Variants in TMEM26 observed in about 807,000 individuals in gnomAD.
The protein encoded by TMEM26 is transmembrane protein 26.
TMEM26 carries 38 observed loss-of-function variants against 28.8 expected under a neutral mutation model. The ratio of observed to expected loss-of-function variants is 1.32; its 90% CI spans 1.02 to 1.73. The LOEUF is 1.73. TMEM26 is among the 40% of genes most tolerant of loss of function. The probability of loss-of-function intolerance (pLI) is 0.00; values close to 1 mark genes in which losing one functional copy is unlikely to be tolerated. For missense variants in TMEM26, 518 were observed against 447.1 expected (o/e 1.16, Z -1.43); for synonymous variants, 227 against 182.9 (o/e 1.24, Z -1.95).
At chr10:61,436,830 T>C (rs989105051) in intron 1 of TMEM26, among the ~76,000 whole-genome samples, 2 of 152,222 alleles carry the variant, frequency 1.3e-5, no homozygotes, top group Non-Finnish European at 2.9e-5. Flanking sequence ...TTTGGTATTT[T>C]TTTTAAGTTA....
chr10:61,420,230 A>C lies in TMEM26; in HGVS notation c.606-6695T>G, dbSNP rs537192173. Among the ~76,000 whole-genome samples the C allele has an allele frequency of 1.5e-3, 235 of 152,314 alleles. 1 individual carries two copies. Among genetic ancestry groups the C allele is most frequent in the Non-Finnish European group, 1.0e-3 (69 of 68,024 alleles). The stretch of plus-strand genomic sequence containing the variant: ...ATAAGGAAGAAAAAATGTATTTACT[A>C]TTCATTAGTGGAAGTGAATCATCAT... On this transcript the variant is annotated intron_variant, in intron 4 of 5. Transcript: ENST00000399298.
chr10:61,452,857 C>A, intron 1 of TMEM26, 34 bp downstream of exon 1: 1 of 1,599,100 alleles, frequency 6.3e-7, no homozygotes, highest in Non-Finnish European at 8.6e-7. Flanking sequence ...ACCCTAGGGC[C>A]CCGTGCGCCC....
chr10:61,420,319 C>T (rs1277406402), intron 4 of TMEM26, among the ~76,000 whole-genome samples: 1 of 152,022 alleles, frequency 6.6e-6, no homozygotes, highest in Non-Finnish European at 1.5e-5. Context: ...ACAGGAGAGG[C>T]TGGTTGGTCT....
At chr10:61,433,388 T>A (rs1440476639) in intron 2 of TMEM26, among the ~76,000 whole-genome samples, 4 of 152,142 alleles carry the variant, frequency 2.6e-5, no homozygotes, top group Non-Finnish European at 4.4e-5. Context: ...TGAGTTCACA[T>A]AGATTATCTG....
chr10:61,417,271 T>C (rs1170563636), intron 4 of TMEM26, among the ~76,000 whole-genome samples: 1 of 152,020 alleles, frequency 6.6e-6, no homozygotes, highest in Admixed American at 6.6e-5. Context: ...AGTTTAATTA[T>C]TGACATTAGT....
At chr10:61,413,736 TA>T in intron 4 of TMEM26, 1 of 1,268,050 alleles carries the variant, frequency 7.9e-7, no homozygotes, top group Non-Finnish European at 9.9e-7. Context: ...ATCTGAGACT[TA>T]AAGCCCAACA....
At chr10:61,431,846 A>G (rs1839928454) in intron 2 of TMEM26, among the ~76,000 whole-genome samples, 1 of 151,860 alleles carries the variant, frequency 6.6e-6, no homozygotes, top group Non-Finnish European at 1.5e-5. Flanking sequence ...TGAGCATAGT[A>G]CCTGATAAGC....
At chr10:61,415,209 T>C (rs904495606) in intron 4 of TMEM26, 37 of 958,998 alleles carry the variant, frequency 3.9e-5, no homozygotes, top group African/African-American at 3.5e-5. Context: ...GCAGCAGCCA[T>C]AAAAAAGGGC....
intron 1 of TMEM26, among the ~76,000 whole-genome samples, chr10:61,449,917 T>C (rs1459066956): frequency 6.6e-6 from 1 of 152,162 alleles, no homozygotes; most frequent in African/African-American, 2.4e-5. Flanking sequence ...CACAACTCTA[T>C]AACTTTAGTG....
intron 1 of TMEM26, among the ~76,000 whole-genome samples, chr10:61,449,909 C>T (rs894553692): frequency 6.6e-6 from 1 of 152,138 alleles, no homozygotes; most frequent in Non-Finnish European, 1.5e-5. Flanking sequence ...ATAATATACA[C>T]AACTCTATAA....
chr10:61,434,467 T>C (rs999385080), intron 2 of TMEM26, among the ~76,000 whole-genome samples: 22 of 152,326 alleles, frequency 1.4e-4, no homozygotes, highest in African/African-American at 4.6e-4. Flanking sequence ...TGTCATAGAA[T>C]TGGATATGAA....
rs1053764781 is a variant in TMEM26 at position 61,453,087 on chromosome 10, C to T, written c.-6G>A. 9 of 1,610,540 alleles carry T rather than the reference C, an allele frequency of 5.6e-6. No individual in the cohort carries two copies. Among genetic ancestry groups the T allele is most frequent in the Non-Finnish European group, 7.6e-6 (9 of 1,178,582 alleles). On this transcript the variant is annotated 5_prime_UTR_variant, in exon 1 of 6. Transcript: ENST00000399298. ...AGGAAGACCAGTCCCTCCATGCTGG[C>T]CGGAGCACTCTGCCTACGTCCCCTT...
chr10:61,443,018 T>A (rs1306056196), intron 1 of TMEM26, among the ~76,000 whole-genome samples: 1 of 152,210 alleles, frequency 6.6e-6, no homozygotes, highest in Non-Finnish European at 1.5e-5. Context: ...TTAACTAGCA[T>A]GTCCCTCATC....
chr10:61,444,645 T>A (rs7910719), intron 1 of TMEM26, among the ~76,000 whole-genome samples: 14,385 of 138,846 alleles, frequency 0.1, 1,506 homozygotes, highest in African/African-American at 0.28. Flanking sequence ...AGTTTTACCC[T>A]CATAATTTAA....
At chr10:61,418,430 A>G (rs1049807238) in intron 4 of TMEM26, among the ~76,000 whole-genome samples, 1 of 152,048 alleles carries the variant, frequency 6.6e-6, no homozygotes, top group African/African-American at 2.4e-5. Context: ...GAGGCTGGGA[A>G]ATTTACATTT....
At chr10:61,428,716 T>C (rs1839871308) in intron 4 of TMEM26, among the ~76,000 whole-genome samples, 1 of 152,110 alleles carries the variant, frequency 6.6e-6, no homozygotes, top group African/African-American at 2.4e-5. Flanking sequence ...TCTCTTTCTC[T>C]AGCAGAAATC....
chr10:61,425,468 A>G (rs535845313), intron 4 of TMEM26, among the ~76,000 whole-genome samples: 1 of 152,202 alleles, frequency 6.6e-6, no homozygotes, highest in South Asian at 2.1e-4. Flanking sequence ...AATTTTAAAA[A>G]CACGTTTTTC....
At chr10:61,418,240 G>C (rs1475094701) in intron 4 of TMEM26, among the ~76,000 whole-genome samples, 1 of 152,044 alleles carries the variant, frequency 6.6e-6, no homozygotes, top group East Asian at 1.9e-4. Context: ...AGACTGTTAG[G>C]ATGGAGGTTG....
At position 61,446,817 on chromosome 10, in the gene TMEM26, CAAAAAAAAAAAAAAAAA is replaced by C. The variant is rs34030340; in HGVS notation, c.191+6057_191+6073del. 1.1e-3 allele frequency among the ~76,000 whole-genome samples: 37 copies of C among 33,946 alleles called. 1 individual carries two copies. Among genetic ancestry groups the C allele is most frequent in the Admixed American group, 8.3e-3 (14 of 1,684 alleles). The allele number at this position is 33,946 out of a possible 152,430, so 22.3% of individuals were successfully genotyped here. A position where few individuals can be genotyped will look rare whatever the true frequency, so the allele number is the denominator to read the frequency against. ...CTGGCGACAGAGCGAGACTCCATCT[CAAAAAAAAAAAAAAAAA>C]AAAAAAAAAAAAAAAAAATTAAAAA... On this transcript the variant is annotated intron_variant, in intron 1 of 5. Coordinates refer to ENST00000399298, the MANE Select transcript of TMEM26 (RefSeq NM_178505.8).
Sources: gnomAD v4.1 joint callset for allele counts (sites outside exome capture counted in the v4.1 genomes callset) on GRCh38, gnomAD v4.1.1 for gene constraint, MANE v1.5 for transcripts, NCBI Gene and HGNC (gene_info 2026-07-23, HGNC 2026-07-21) for gene names.